Variants in FBXO11 observed in about 807,000 individuals in gnomAD.
FBXO11 encodes F-box protein 11.
Under a neutral mutation model 117.0 loss-of-function variants are expected in FBXO11, and 13 were observed. The ratio of observed to expected loss-of-function variants is 0.11; its 90% CI spans 0.07 to 0.18. The LOEUF is 0.18. FBXO11 is among the 10% of genes least tolerant of loss of function. FBXO11 has a pLI of 1.00. For missense variants in FBXO11, 767 were observed against 1,164.4 expected (o/e 0.66, Z 4.97); for synonymous variants, 490 against 380.5 (o/e 1.29, Z -3.35).
At chr2:47,873,322 T>C (rs1223575686) in intron 1 of FBXO11, among the ~76,000 whole-genome samples, 1 of 152,230 alleles carries the variant, frequency 6.6e-6, no homozygotes, top group East Asian at 1.9e-4. Flanking sequence ...TCCGCCTTGA[T>C]GGTAAAGAGG....
intron 11 of FBXO11, among the ~76,000 whole-genome samples, chr2:47,831,427 GAAAAAAAA>G (rs920107554): frequency 1.2e-4 from 8 of 65,774 alleles, no homozygotes; most frequent in South Asian, 6.2e-4. Context: ...GTCTCAAAAA[GAAAAAAAA>G]AAAAAAAAAA....
intron 1 of FBXO11, among the ~76,000 whole-genome samples, chr2:47,849,264 T>C (rs1193411350): frequency 6.6e-6 from 1 of 152,240 alleles, no homozygotes; most frequent in East Asian, 1.9e-4. Flanking sequence ...AGTAAAGTTA[T>C]AATTAAAAAA....
At chr2:47,834,524 T>A in intron 7 of FBXO11, 55 bp downstream of exon 7, 1 of 1,350,750 alleles carries the variant, frequency 7.4e-7, no homozygotes, top group Non-Finnish European at 9.9e-7. Flanking sequence ...TTTAAAATCC[T>A]ATCACATAAA....
intron 1 of FBXO11, among the ~76,000 whole-genome samples, chr2:47,849,896 A>G (rs943610972): frequency 6.6e-6 from 1 of 152,208 alleles, no homozygotes; most frequent in Admixed American, 6.5e-5. Flanking sequence ...AACACTTAAA[A>G]TAATTTAGAC....
chr2:47,839,402 T>C lies in FBXO11; in HGVS notation c.442+17A>G. ...AAAATTATTTTACCCTATTTGTTACTTTCCCACAGGAAATACCTGATAGAT... is the reference window on the plus strand; with the variant it reads ...AAAATTATTTTACCCTATTTGTTACCTTCCCACAGGAAATACCTGATAGAT... On this transcript the variant is annotated intron_variant, in intron 3 of 22. Coordinates refer to ENST00000403359, the MANE Select transcript of FBXO11 (RefSeq NM_001190274.2). 1 of 1,595,222 alleles carries C rather than the reference T, an allele frequency of 6.3e-7. No homozygotes were observed. The highest frequency in any genetic ancestry group is 8.5e-7 in the Non-Finnish European group (1 of 1,174,712).
At chr2:47,813,544 GC>G (rs1012324515) in intron 17 of FBXO11, among the ~76,000 whole-genome samples, 167 bp from the exon 18 acceptor site, 31 of 143,910 alleles carry the variant, frequency 2.2e-4, no homozygotes, top group African/African-American at 7.9e-4. Flanking sequence ...TGATTCTCCT[GC>G]CTCAGCCTCC....
intron 18 of FBXO11, 99 bp from the exon 19 acceptor site, chr2:47,810,525 G>A: frequency 3.1e-6 from 2 of 647,556 alleles, no homozygotes; most frequent in Non-Finnish European, 2.5e-6. Context: ...TTATTTAACT[G>A]CATGGTAAAA....
chr2:47,862,577 G>A (rs773763234), intron 1 of FBXO11, among the ~76,000 whole-genome samples: 6 of 152,078 alleles, frequency 3.9e-5, no homozygotes, highest in African/African-American at 1.2e-4. Flanking sequence ...GTGCCACCAC[G>A]CTTGGCTAAA....
At chr2:47,818,063 C>T (rs987152406) in intron 16 of FBXO11, among the ~76,000 whole-genome samples, 6 of 152,108 alleles carry the variant, frequency 3.9e-5, no homozygotes, top group South Asian at 2.1e-4. Flanking sequence ...TGCGGTGAGC[C>T]GAGATCGTGC....
intron 1 of FBXO11, among the ~76,000 whole-genome samples, chr2:47,843,132 G>C (rs570624945): frequency 6.6e-6 from 1 of 152,312 alleles, no homozygotes; most frequent in South Asian, 2.1e-4. Context: ...AAAGCAGCCA[G>C]TATGATACGC....
At chr2:47,825,759 T>A (rs1020817579) in intron 11 of FBXO11, among the ~76,000 whole-genome samples, 3 of 151,966 alleles carry the variant, frequency 2.0e-5, no homozygotes, top group Non-Finnish European at 4.4e-5. Flanking sequence ...GTGTTTTTAG[T>A]AGAGATGGAG....
At chr2:47,827,888 G>T (rs960144379) in intron 11 of FBXO11, among the ~76,000 whole-genome samples, 1 of 151,570 alleles carries the variant, frequency 6.6e-6, no homozygotes, top group African/African-American at 2.4e-5. Context: ...GTAGAGACGG[G>T]GTTTTGCCAA....
At chr2:47,876,336 T>G (rs1318730667) in intron 1 of FBXO11, among the ~76,000 whole-genome samples, 1 of 152,242 alleles carries the variant, frequency 6.6e-6, no homozygotes, top group Non-Finnish European at 1.5e-5. Context: ...TTATCAAATA[T>G]TTTGCCAATT....
intron 1 of FBXO11, among the ~76,000 whole-genome samples, chr2:47,871,604 T>C (rs1041149416): frequency 2.0e-5 from 3 of 152,348 alleles, no homozygotes; most frequent in Non-Finnish European, 1.5e-5. Context: ...ATAGGTTTAT[T>C]AGCTTTGAGG....
chr2:47,834,493 G>A, intron 7 of FBXO11, 86 bp downstream of exon 7: 1 of 1,017,088 alleles, frequency 9.8e-7, no homozygotes, highest in East Asian at 2.6e-5. Context: ...TTATAAAACT[G>A]GATTTTAAGT....
chr2:47,822,075 G>C, intron 13 of FBXO11, 143 bp downstream of exon 13: 1 of 632,524 alleles, frequency 1.6e-6, no homozygotes, highest in Non-Finnish European at 2.8e-6. Flanking sequence ...AAGAGAGTAA[G>C]ACCTCATTTC....
At chr2:47,820,293 T>G in intron 14 of FBXO11, 69 bp downstream of exon 14, 1 of 1,233,784 alleles carries the variant, frequency 8.1e-7, no homozygotes, top group Non-Finnish European at 1.2e-6. Context: ...CCTAAAAGCT[T>G]GAGGAGAAAC....
chr2:47,900,974 TATA>T (rs1212906467), intron 1 of FBXO11, among the ~76,000 whole-genome samples: 26 of 144,790 alleles, frequency 1.8e-4, no homozygotes, highest in South Asian at 6.5e-4. Flanking sequence ...ATTCAGTACG[TATA>T]ATATTACATA....
At chr2:47,888,900 A>C (rs768714235) in intron 1 of FBXO11, among the ~76,000 whole-genome samples, 2 of 152,186 alleles carry the variant, frequency 1.3e-5, no homozygotes, top group Non-Finnish European at 2.9e-5. Flanking sequence ...ATTCAAAGTA[A>C]TTTGATTTGT....
Sources: gnomAD v4.1 joint callset for allele counts (sites outside exome capture counted in the v4.1 genomes callset) on GRCh38, gnomAD v4.1.1 for gene constraint, MANE v1.5 for transcripts, NCBI Gene and HGNC (gene_info 2026-07-23, HGNC 2026-07-21) for gene names.